DCAF10: variants seen among roughly 807,000 people sequenced by gnomAD.
DCAF10 encodes DDB1- and CUL4-associated factor 10.
A neutral mutation model predicts 51.9 loss-of-function variants in DCAF10; 19 were observed. The observed-to-expected ratio is 0.37, with a 90% CI of 0.26 to 0.54. The LOEUF (loss-of-function observed/expected upper bound fraction) is 0.54, where lower values mean the gene tolerates loss of function less well. DCAF10 is among the 20% of genes least tolerant of loss of function. DCAF10 has a pLI of 0.87. For synonymous variants in DCAF10, 291 were observed against 297.1 expected (o/e 0.98, Z 0.21); for missense variants, 510 against 730.6 (o/e 0.70, Z 3.48).
At chr9:37,825,979 G>A (rs925420627) in intron 2 of DCAF10, among the ~76,000 whole-genome samples, 5 of 151,648 alleles carry the variant, frequency 3.3e-5, no homozygotes, top group Non-Finnish European at 5.9e-5. Context: ...CGGCTGTAGT[G>A]AGCCGAGATC....
At chr9:37,810,646 G>A (rs1829314026) in intron 1 of DCAF10, among the ~76,000 whole-genome samples, 4 of 152,116 alleles carry the variant, frequency 2.6e-5, no homozygotes, top group Non-Finnish European at 5.9e-5. Context: ...ATTTTTAGTA[G>A]AAACGGGCTT....
chr9:37,848,060 C>T (rs1298430023), intron 3 of DCAF10, among the ~76,000 whole-genome samples: 1 of 152,110 alleles, frequency 6.6e-6, no homozygotes, highest in Non-Finnish European at 1.5e-5. Context: ...TAATTAATAA[C>T]AAGTATTGGC....
chr9:37,825,273 A>G (rs987699750), intron 2 of DCAF10, among the ~76,000 whole-genome samples: 2 of 152,224 alleles, frequency 1.3e-5, no homozygotes, highest in African/African-American at 2.4e-5. Flanking sequence ...ACATGCATGC[A>G]TATGTTCATT....
Position 37,801,203 on chromosome 9 carries a change from G to A in DCAF10, c.337G>A (p.Gly113Ser), listed in dbSNP as rs1388103204. 1 of 1,550,764 alleles carries A rather than the reference G, an allele frequency of 6.4e-7. No homozygotes were observed. Among genetic ancestry groups the A allele is most frequent in the Admixed American group, 1.9e-5 (1 of 51,510 alleles). Residue 113 changes from glycine (G) to serine (S), a missense_variant, in exon 1 of 7, where the codon GGC (glycine) becomes AGC (serine). Transcript: ENST00000377724. The surrounding 1 kb of genome is among the most constrained non-coding windows in gnomAD (Gnocchi z 5.5). ...RAKSRGRHGL[G>S]AGLGGPGARL... is the part of the protein sequence containing the mutation. ...CAAGAGCCGGGGCCGACACGGCCTCGGCGCGGGCCTGGGCGGCCCTGGCGC... is the reference window on the plus strand; with the variant it reads ...CAAGAGCCGGGGCCGACACGGCCTCAGCGCGGGCCTGGGCGGCCCTGGCGC...
In DCAF10 at chr9:37,814,094, A is replaced by G. The variant is rs1244482944; in HGVS notation, c.540-5194A>G. 2.8e-3 allele frequency among the ~76,000 whole-genome samples: 247 copies of G among 88,536 alleles called. 13 individuals are homozygous for G. The highest frequency in any genetic ancestry group is 0.012 in the African/African-American group (221 of 19,202). The allele number at this position is 88,536 out of a possible 152,430, so 58.1% of individuals were successfully genotyped here. ...ACTATTTGTCACTATATATATATAT[A>G]TATATATATATATATATATATATAT... On this transcript the variant is annotated intron_variant, in intron 1 of 6. Coordinates refer to ENST00000377724, the MANE Select transcript of DCAF10 (RefSeq NM_024345.5).
chr9:37,842,275 G>A lies in DCAF10; in HGVS notation c.840G>A (p.Trp280Ter). ...TSGFDGNVIIWDTNRYTEDGC... is the reference protein window; with the variant it reads ...TSGFDGNVII ...GATTTGATGGAAATGTCATTATTTG[G>A]GACACTAACAGGTTTGTGAATAGGA... is the stretch of plus-strand genomic sequence containing the variant. The change falls in exon 3 of 7, where the codon TGG becomes TGA. Residue 280 changes from tryptophan (W) to a stop codon, truncating the protein, a stop_gained. Coordinates refer to ENST00000377724, the MANE Select transcript of DCAF10 (RefSeq NM_024345.5). LOFTEE classifies it high-confidence loss of function. 1 of 1,612,748 alleles carries A rather than the reference G, an allele frequency of 6.2e-7. No individual in the cohort carries two copies. The highest frequency in any genetic ancestry group is 8.5e-7 in the Non-Finnish European group (1 of 1,179,596).
Position 37,867,650 on chromosome 9 carries a change from T to C in DCAF10, c.*6142T>C, listed in dbSNP as rs1160068886. 6.6e-6 allele frequency: 1 copy of C among 152,198 alleles called. No individual in the cohort carries two copies. The highest frequency in any genetic ancestry group is 1.9e-4 in the East Asian group (1 of 5,202). The allele number at this position is 152,198 out of a possible 1,614,324, so 9.4% of individuals were successfully genotyped here. A position where few individuals can be genotyped will look rare whatever the true frequency, so the allele number is the denominator to read the frequency against. ...TGACACAGAGTAGTTGTTCAATAAA[T>C]ATTTGTTGAATGAATCAAATGAACC... is the stretch of plus-strand genomic sequence containing the variant. On this transcript the variant is annotated 3_prime_UTR_variant, in exon 7 of 7. Coordinates refer to ENST00000377724, the MANE Select transcript of DCAF10 (RefSeq NM_024345.5).
At chr9:37,852,599 T>G (rs1830688349) in intron 3 of DCAF10, among the ~76,000 whole-genome samples, 1 of 143,438 alleles carries the variant, frequency 7.0e-6, no homozygotes, top group South Asian at 2.1e-4. Context: ...CCCAGTCTCT[T>G]AAAAGAGTGA....
intron 2 of DCAF10, among the ~76,000 whole-genome samples, chr9:37,837,385 G>T (rs1830197106): frequency 1.3e-5 from 2 of 151,460 alleles, no homozygotes; most frequent in South Asian, 4.2e-4. Context: ...CTTGAACCTG[G>T]GAGATGGAGG....
Position 37,861,136 on chromosome 9 carries a change from C to A in DCAF10, c.1312-4C>A. 1.3e-6 allele frequency: 2 copies of A among 1,594,764 alleles called. No homozygotes were observed. The highest frequency in any genetic ancestry group is 1.7e-6 in the Non-Finnish European group (2 of 1,164,320). Reference sequence around the variant, plus strand: ...CTTGGTTTGTCTCCCTTCTCTCCCCCTAGTGTACTTGTGTCTATGAATTCC... The same window carrying A: ...CTTGGTTTGTCTCCCTTCTCTCCCCATAGTGTACTTGTGTCTATGAATTCC... On this transcript the variant is annotated splice_region_variant and splice_polypyrimidine_tract_variant and intron_variant, in intron 6 of 6. Coordinates refer to ENST00000377724, the MANE Select transcript of DCAF10 (RefSeq NM_024345.5). The surrounding 1 kb of genome is among the most constrained non-coding windows in gnomAD (Gnocchi z 4.9).
At chr9:37,804,738 T>TGG (rs2119011917) in intron 1 of DCAF10, among the ~76,000 whole-genome samples, 1 of 151,316 alleles carries the variant, frequency 6.6e-6, no homozygotes, top group South Asian at 2.1e-4. Context: ...ACCGTACCAC[T>TGG]GCACTCCAGC....
At chr9:37,811,149 G>C (rs939721710) in intron 1 of DCAF10, among the ~76,000 whole-genome samples, 6 of 152,046 alleles carry the variant, frequency 3.9e-5, no homozygotes, top group African/African-American at 1.5e-4. Context: ...GAGCAACATA[G>C]TGAGAGATCC....
chr9:37,854,158 C>T (rs1329207291), intron 3 of DCAF10, among the ~76,000 whole-genome samples: 3 of 151,192 alleles, frequency 2.0e-5, no homozygotes, highest in Admixed American at 1.3e-4. Context: ...GGAGTGCAGT[C>T]GTGTGATCAT....
chr9:37,826,650 T>C (rs1012315375), intron 2 of DCAF10, among the ~76,000 whole-genome samples: 2 of 152,118 alleles, frequency 1.3e-5, no homozygotes, highest in African/African-American at 4.8e-5. Context: ...ATGTGGCAGA[T>C]GACACCAGGG....
At chr9:37,840,953 C>A (rs112732245) in intron 2 of DCAF10, among the ~76,000 whole-genome samples, 1,930 of 152,200 alleles carry the variant, frequency 0.013, 42 homozygotes, top group African/African-American at 0.044. Flanking sequence ...ACATGCTGTG[C>A]ACATTTGTAG....
Position 37,854,989 on chromosome 9 carries a change from T to C in DCAF10, c.1054+7T>C. ...AGAACTACTTCAAGTTCAGGTAAGCTTTTCTTTTTTGGTCAAAAAGATTTT... is the reference window on the plus strand; with the variant it reads ...AGAACTACTTCAAGTTCAGGTAAGCCTTTCTTTTTTGGTCAAAAAGATTTT... On this transcript the variant is annotated splice_region_variant and intron_variant, in intron 4 of 6. Coordinates refer to ENST00000377724, the MANE Select transcript of DCAF10 (RefSeq NM_024345.5). 1 of 1,588,958 alleles carries C rather than the reference T, an allele frequency of 6.3e-7. No individual in the cohort carries two copies. Among genetic ancestry groups the C allele is most frequent in the African/African-American group, 1.4e-5 (1 of 73,434 alleles).
At chr9:37,860,570 A>T (rs1199692558) in intron 6 of DCAF10, 1 of 180,984 alleles carries the variant, frequency 5.5e-6, no homozygotes, top group Non-Finnish European at 1.2e-5. Context: ...TAAGCTGGCT[A>T]AATGTGAGAT....
chr9:37,846,106 A>G (rs973786104), intron 3 of DCAF10, among the ~76,000 whole-genome samples: 2 of 152,232 alleles, frequency 1.3e-5, no homozygotes, highest in African/African-American at 4.8e-5. Flanking sequence ...GTAAATACAA[A>G]TATTCTAAAT....
In DCAF10 at chr9:37,800,943, AG is replaced by A; in HGVS notation, c.81del (p.Gln28ArgfsTer44). The A allele has an allele frequency of 6.7e-7, 1 of 1,498,070 alleles. No individual in the cohort carries two copies. The allele number at this position is 1,498,070 out of a possible 1,614,324, so 92.8% of individuals were successfully genotyped here. On this transcript the variant is annotated frameshift_variant, in exon 1 of 7. Coordinates refer to ENST00000377724, the MANE Select transcript of DCAF10 (RefSeq NM_024345.5). LOFTEE classifies it high-confidence loss of function. ...GGGGCTGAGGAGCCGACGCCCCACG[AG>A]GGGCAGGCAGCAGCCACCGGGCCGC... Reference protein sequence around the residue: ...GAGAEEPTPHEGQAAATGPPS... With the variant: ...GAGAEEPTPHXGQAAATGPPS...
Sources: allele counts gnomAD v4.1 joint callset (sites outside exome capture counted in the v4.1 genomes callset), GRCh38; gene constraint gnomAD v4.1.1; non-coding constraint Gnocchi (gnomAD v3.1); transcripts MANE v1.5; gene names NCBI Gene and HGNC (gene_info 2026-07-23, HGNC 2026-07-21).